Variants in MRPS6 observed in about 807,000 individuals in gnomAD.
MRPS6 encodes mitochondrial ribosomal protein S6, also known as small ribosomal subunit protein bS6m.
Under a neutral mutation model 13.1 loss-of-function variants are expected in MRPS6, and 6 were observed. That is an observed-to-expected ratio of 0.46 (90% CI 0.25 to 0.91). MRPS6 has a LOEUF of 0.91. MRPS6 is among the 40% of genes least tolerant of loss of function. MRPS6 has a pLI of 0.18. For synonymous variants in MRPS6, 61 were observed against 56.5 expected (o/e 1.08, Z -0.36); for missense variants, 164 against 155.6 (o/e 1.05, Z -0.29).
At chr21:34,138,832 A>G (rs1980798468) in intron 2 of MRPS6, among the ~76,000 whole-genome samples, 1 of 152,154 alleles carries the variant, frequency 6.6e-6, no homozygotes, top group Non-Finnish European at 1.5e-5. Context: ...CCATCCCATT[A>G]CTGGGTATAT....
intron 2 of MRPS6, 100 bp downstream of exon 2, chr21:34,125,580 C>T: frequency 6.6e-7 from 1 of 1,508,972 alleles, no homozygotes; most frequent in South Asian, 1.3e-5. Flanking sequence ...ACATTGAGAC[C>T]CCTGTTGCGC....
chr21:34,137,655 G>A (rs1052348914), intron 2 of MRPS6, among the ~76,000 whole-genome samples: 4 of 152,112 alleles, frequency 2.6e-5, no homozygotes, highest in African/African-American at 9.7e-5. Flanking sequence ...TGGACTTTCT[G>A]GTTTGTTCCC....
intron 2 of MRPS6, among the ~76,000 whole-genome samples, chr21:34,130,767 C>CT (rs151234102): frequency 0.024 from 3,680 of 152,256 alleles, 157 homozygotes; most frequent in African/African-American, 0.083. Context: ...TACTTCTTGC[C>CT]TGGCATCAGT....
intron 1 of MRPS6, among the ~76,000 whole-genome samples, chr21:34,088,615 C>T (rs558240287): frequency 6.6e-6 from 1 of 152,150 alleles, no homozygotes; most frequent in African/African-American, 2.4e-5. Context: ...CAGTAATGTC[C>T]TTTTCACTGA....
At chr21:34,114,620 A>T (rs1024257440) in intron 1 of MRPS6, among the ~76,000 whole-genome samples, 5 of 152,150 alleles carry the variant, frequency 3.3e-5, no homozygotes, top group South Asian at 2.1e-4. Flanking sequence ...TACCTTGGTG[A>T]TTTCTGCCCT....
chr21:34,131,892 A>AT (rs1297066556), intron 2 of MRPS6, among the ~76,000 whole-genome samples: 4 of 152,190 alleles, frequency 2.6e-5, no homozygotes, highest in African/African-American at 9.7e-5. Flanking sequence ...GCTGGGCTGC[A>AT]TATTCCAGGA....
rs149390427 is a variant in MRPS6, at chr21:34,095,808, A to C, written c.45+22063A>C. 5 of 1,613,996 alleles carry C rather than the reference A, an allele frequency of 3.1e-6. No individual in the cohort carries two copies. In the African/African-American group the frequency reaches 6.7e-5, roughly 22 times the overall value. ...GGCACTTACACTTATGATTATTAGC[A>C]TAATGGAGATTGGCGGGTTTGAGGA... is the stretch of plus-strand genomic sequence containing the variant. On this transcript the variant is annotated intron_variant, in intron 1 of 2. Transcript: ENST00000399312.
At chr21:34,099,242 A>T (rs1979119921) in intron 1 of MRPS6, 4 of 1,000,090 alleles carry the variant, frequency 4.0e-6, no homozygotes, top group African/African-American at 1.7e-5. Context: ...GGCCAAATAG[A>T]TAGAGCTCAT....
rs182285283 is a variant in MRPS6 at position 34,110,435 on chromosome 21, G to T, written c.46-14906G>T. Among the ~76,000 whole-genome samples, 167 of 152,072 alleles carry T rather than the reference G, an allele frequency of 1.1e-3. 3 individuals are homozygous for T. Among genetic ancestry groups the T allele is most frequent in the Admixed American group, 0.011 (166 of 15,272 alleles). Reference sequence around the variant, plus strand: ...GTCGAGGCTACAGTGAGCTACTATTGTGCCACTGTACTCCAGCCTAGGCGG... The same window carrying T: ...GTCGAGGCTACAGTGAGCTACTATTTTGCCACTGTACTCCAGCCTAGGCGG... On this transcript the variant is annotated intron_variant, in intron 1 of 2. Transcript: ENST00000399312.
intron 2 of MRPS6, among the ~76,000 whole-genome samples, chr21:34,134,728 G>T (rs965972331): frequency 6.6e-6 from 1 of 151,978 alleles, no homozygotes; most frequent in Non-Finnish European, 1.5e-5. Context: ...TTATGATGGT[G>T]CAGAAGTGAT....
chr21:34,124,645 C>T (rs928091425), intron 1 of MRPS6: 2 of 152,144 alleles, frequency 1.3e-5, no homozygotes, highest in African/African-American at 4.8e-5. Context: ...TACCTCCGGT[C>T]ATCATTTTCC....
Position 34,096,860 on chromosome 21 carries a change from G to A in MRPS6, c.45+23115G>A. 2 of 1,614,112 alleles carry A rather than the reference G, an allele frequency of 1.2e-6. No individual in the cohort carries two copies. Among genetic ancestry groups the A allele is most frequent in the Non-Finnish European group, 1.7e-6 (2 of 1,180,000 alleles). ...TTTGGTCTAAGAAGAACCTGGTGGT[G>A]AAGGAGAACTGCTCCCCAAAAGAGG... On this transcript the variant is annotated intron_variant, in intron 1 of 2. Coordinates refer to ENST00000399312, the MANE Select transcript of MRPS6 (RefSeq NM_032476.4). The surrounding 1 kb of genome is among the most constrained non-coding windows in gnomAD (Gnocchi z 5.9).
At chr21:34,123,797 G>A (rs1267932240) in intron 1 of MRPS6, 1 of 151,990 alleles carries the variant, frequency 6.6e-6, no homozygotes, top group Non-Finnish European at 1.5e-5. Flanking sequence ...CTCTACCATG[G>A]GAACCTTGGC....
At chr21:34,099,345 C>A (rs767378960) in intron 1 of MRPS6, 37 of 1,000,204 alleles carry the variant, frequency 3.7e-5, no homozygotes, top group Non-Finnish European at 4.3e-5. Context: ...AATCTGGACT[C>A]ATGGTTTGTT....
At position 34,142,956 on chromosome 21, in the gene MRPS6, T is replaced by C. The variant is rs1980955492; in HGVS notation, c.*356T>C. ...GCTAGTCATTCAGCCTGTGTAACCATGTGGAAATAAAAATTGACGACCAAT... is the reference window on the plus strand; with the variant it reads ...GCTAGTCATTCAGCCTGTGTAACCACGTGGAAATAAAAATTGACGACCAAT... On this transcript the variant is annotated 3_prime_UTR_variant, in exon 3 of 3. Coordinates refer to ENST00000399312, the MANE Select transcript of MRPS6 (RefSeq NM_032476.4). The C allele has an allele frequency of 5.9e-6, 1 of 170,878 alleles. No individual in the cohort carries two copies. Among genetic ancestry groups the C allele is most frequent in the Non-Finnish European group, 1.2e-5 (1 of 80,840 alleles). The allele number at this position is 170,878 out of a possible 1,614,324, so 10.6% of individuals were successfully genotyped here.
intron 1 of MRPS6, chr21:34,123,067 G>C (rs912595875): frequency 2.6e-5 from 4 of 152,056 alleles, no homozygotes; most frequent in Non-Finnish European, 5.9e-5. Flanking sequence ...TTATCTTAAG[G>C]TTGGTTAAAT....
chr21:34,106,238 C>T (rs1192321543), intron 1 of MRPS6: 1 of 910,952 alleles, frequency 1.1e-6, no homozygotes, highest in African/African-American at 1.8e-5. Context: ...TCTGTACCAA[C>T]TTTGAATAAA....
chr21:34,127,046 A>G (rs947150662), intron 2 of MRPS6, among the ~76,000 whole-genome samples: 2 of 152,198 alleles, frequency 1.3e-5, no homozygotes, highest in African/African-American at 2.4e-5. Context: ...ACTGCTGAGA[A>G]CACTAGCCCT....
chr21:34,085,846 C>T (rs1978343803), intron 1 of MRPS6, among the ~76,000 whole-genome samples: 1 of 152,176 alleles, frequency 6.6e-6, no homozygotes, highest in Non-Finnish European at 1.5e-5. Flanking sequence ...TCGTGATTCA[C>T]CCGCCTCGGC....
Sources: allele counts gnomAD v4.1 joint callset (sites outside exome capture counted in the v4.1 genomes callset), GRCh38; gene constraint gnomAD v4.1.1; non-coding constraint Gnocchi (gnomAD v3.1); transcripts MANE v1.5; gene names NCBI Gene and HGNC (gene_info 2026-07-23, HGNC 2026-07-21).